Variants in ZFHX3 observed in about 807,000 individuals in gnomAD.
ZFHX3 encodes zinc finger homeobox protein 3.
A neutral mutation model predicts 279.1 loss-of-function variants in ZFHX3; 42 were observed. That is an observed-to-expected ratio of 0.15 (90% CI 0.12 to 0.19). The LOEUF (loss-of-function observed/expected upper bound fraction) is 0.19, where lower values mean the gene tolerates loss of function less well. Among genes scored for constraint, ZFHX3 ranks in the 10% least tolerant of loss-of-function variants. The pLI is 1.00. For synonymous variants in ZFHX3, 2,293 were observed against 1,957.8 expected, an observed-to-expected ratio of 1.17 and a Z score of -4.52; for missense variants, 4,981 against 4,754.0, an observed-to-expected ratio of 1.05 and a Z score of -1.40.
At chr16:72,880,609 C>T (rs2038439331) in intron 4 of ZFHX3, among the ~76,000 whole-genome samples, 1 of 152,172 alleles carries the variant, frequency 6.6e-6, no homozygotes, top group African/African-American at 2.4e-5. Context: ...AAAATACACA[C>T]ATTCTTTTTT....
chr16:72,900,084 G>C (rs1457709028), intron 3 of ZFHX3, among the ~76,000 whole-genome samples: 2 of 146,174 alleles, frequency 1.4e-5, no homozygotes, highest in African/African-American at 5.2e-5. Context: ...GCCAAAGTCA[G>C]GCTGTTGGTG....
intron 5 of ZFHX3, among the ~76,000 whole-genome samples, chr16:73,251,712 T>TACACACCACACACGCAC (rs2013495548): frequency 1.8e-5 from 2 of 108,142 alleles, no homozygotes; most frequent in Non-Finnish European, 2.0e-5. Context: ...CACACACACA[T>TACACACCACACACGCAC]ACACACCACA....
intron 4 of ZFHX3, among the ~76,000 whole-genome samples, chr16:72,885,283 C>T (rs1420623257): frequency 6.6e-6 from 1 of 152,268 alleles, no homozygotes; most frequent in African/African-American, 2.4e-5. Flanking sequence ...GCGGCCAAGG[C>T]TCTGTCCACT....
chr16:73,308,600 C>A (rs1021162326), intron 4 of ZFHX3, among the ~76,000 whole-genome samples: 1 of 152,034 alleles, frequency 6.6e-6, no homozygotes, highest in Non-Finnish European at 1.5e-5. Context: ...AGCCACCACG[C>A]CCAGCCTATT....
chr16:73,794,481 G>T (rs1218669571), intron 1 of ZFHX3: 2 of 152,198 alleles, frequency 1.3e-5, no homozygotes, highest in Non-Finnish European at 2.9e-5. Flanking sequence ...ACCCTAGAGG[G>T]TAAAAGACAC....
At chr16:73,630,364 T>C (rs1444143015) in intron 2 of ZFHX3, among the ~76,000 whole-genome samples, 4 of 152,248 alleles carry the variant, frequency 2.6e-5, no homozygotes, top group Non-Finnish European at 4.4e-5. Context: ...TCTCACTTCA[T>C]GTACATTGCT....
intron 1 of ZFHX3, among the ~76,000 whole-genome samples, chr16:73,785,100 G>T (rs897846757): frequency 1.3e-5 from 2 of 152,086 alleles, no homozygotes; most frequent in African/African-American, 2.4e-5. Context: ...AGTACATCAT[G>T]TGTGCACATG....
At chr16:73,031,700 G>C (rs995875090) in intron 1 of ZFHX3, among the ~76,000 whole-genome samples, 1 of 152,216 alleles carries the variant, frequency 6.6e-6, no homozygotes, top group Non-Finnish European at 1.5e-5. Context: ...AACGAGCTGG[G>C]CCTTGAATGC....
At chr16:73,712,246 C>A (rs1482160172) in intron 1 of ZFHX3, among the ~76,000 whole-genome samples, 2 of 152,170 alleles carry the variant, frequency 1.3e-5, no homozygotes, top group Admixed American at 1.3e-4. Flanking sequence ...AAGGCCCGTG[C>A]CTGGGCAGAG....
Position 72,959,823 on chromosome 16 carries a change from A to C in ZFHX3, c.323T>G (p.Leu108Arg), listed in dbSNP as rs200703916. ...HCPSARPPPP[L>R]REESASDTGE... is the part of the protein sequence containing the mutation. ...GGTGTCGCTGGCGCTCTCCTCTCTC[A>C]GGGGTGGCGGGGGGCGCGCGCTGGG... The change falls in exon 2 of 10, where the codon CTG (leucine) becomes CGG (arginine). Residue 108 changes from leucine to arginine, a missense_variant. This residue lies in a region of ZFHX3 where 1,068 missense variants were observed against 935.2 expected (regional missense o/e 1.14). Transcript: ENST00000268489. 1 of 1,594,138 alleles carries C rather than the reference A, an allele frequency of 6.3e-7. No individual in the cohort carries two copies. The highest frequency in any genetic ancestry group is 2.2e-5 in the East Asian group (1 of 44,542).
At chr16:73,805,325 C>G (rs927096484) in intron 1 of ZFHX3, among the ~76,000 whole-genome samples, 11 of 152,194 alleles carry the variant, frequency 7.2e-5, no homozygotes, top group Middle Eastern at 3.4e-3. Context: ...CCTGCCACTA[C>G]GCCTGGCTAA....
In ZFHX3 at chr16:72,959,702, G is replaced by A. The variant is rs2144455111; in HGVS notation, c.444C>T (p.Ser148=). 5.0e-6 allele frequency: 8 copies of A among 1,613,948 alleles called. No homozygotes were observed. Among genetic ancestry groups the A allele is most frequent in the African/African-American group, 1.3e-5 (1 of 75,070 alleles). ...AGGCGCCCCCGCCCTGGGTCAGCTGGCTCAGGCTCTCCACAATGTACGCGG... is the reference window on the plus strand; with the variant it reads ...AGGCGCCCCCGCCCTGGGTCAGCTGACTCAGGCTCTCCACAATGTACGCGG... ...DGSAYIVESL[S]QLTQGGGACG... is the part of the protein sequence containing the mutation. Residue 148 remains serine (S), a synonymous_variant, in exon 2 of 10, where the codon AGC becomes AGT. Coordinates refer to ENST00000268489, the MANE Select transcript of ZFHX3 (RefSeq NM_006885.4).
intron 5 of ZFHX3, among the ~76,000 whole-genome samples, chr16:73,193,324 TG>T (rs1239187450): frequency 6.6e-6 from 1 of 152,174 alleles, no homozygotes. Context: ...ATCTCCACCC[TG>T]TCTGCTTTGC....
intron 2 of ZFHX3, among the ~76,000 whole-genome samples, chr16:73,671,619 G>C (rs2052905011): frequency 6.6e-6 from 1 of 152,336 alleles, no homozygotes; most frequent in African/African-American, 2.4e-5. Context: ...GTACATGGGA[G>C]CTGGGATTAG....
chr16:72,858,620 T>A (rs2035398725), intron 4 of ZFHX3, among the ~76,000 whole-genome samples: 1 of 152,224 alleles, frequency 6.6e-6, no homozygotes, highest in Non-Finnish European at 1.5e-5. Context: ...TTAATGCTCA[T>A]AAGACTGCTC....
intron 3 of ZFHX3, among the ~76,000 whole-genome samples, chr16:73,338,651 C>A (rs376960988): frequency 6.6e-6 from 1 of 152,086 alleles, no homozygotes; most frequent in African/African-American, 2.4e-5. Flanking sequence ...ACATGCACCC[C>A]CACCCCTGCC....
chr16:73,471,272 C>T (rs112541559), intron 2 of ZFHX3, among the ~76,000 whole-genome samples: 2,193 of 152,276 alleles, frequency 0.014, 18 homozygotes, highest in Middle Eastern at 0.051. Context: ...TGTACCTTTC[C>T]GAGGTGATCG....
intron 2 of ZFHX3, among the ~76,000 whole-genome samples, chr16:73,519,027 C>T (rs1346503194): frequency 1.3e-5 from 2 of 152,184 alleles, no homozygotes; most frequent in African/African-American, 4.8e-5. Context: ...ATGTGAATTT[C>T]CCAAGTCATT....
intron 1 of ZFHX3, among the ~76,000 whole-genome samples, chr16:73,784,723 G>A (rs143012549): frequency 0.025 from 3,738 of 151,140 alleles, 154 homozygotes; most frequent in African/African-American, 0.087. Context: ...CTCCAGCCTG[G>A]TGAAAGAGTA....
Sources: gnomAD v4.1 joint callset for allele counts (sites outside exome capture counted in the v4.1 genomes callset) on GRCh38, gnomAD v4.1.1 for gene constraint, gnomAD v4.1.1 regional missense constraint, MANE v1.5 for transcripts, NCBI Gene and HGNC (gene_info 2026-07-23, HGNC 2026-07-21) for gene names.